RTN4R: variants seen among roughly 807,000 people sequenced by gnomAD.
The protein encoded by RTN4R is reticulon-4 receptor.
In RTN4R, 4 loss-of-function variants were observed where a neutral mutation model predicts 27.7. That is an observed-to-expected ratio of 0.14 (90% CI 0.07 to 0.33). The LOEUF is 0.33. RTN4R is among the 10% of genes least tolerant of loss of function. The pLI is 1.00. For synonymous variants in RTN4R, 290 were observed against 305.6 expected (o/e 0.95, Z 0.53); for missense variants, 554 against 671.5 (o/e 0.83, Z 1.93).
intron 1 of RTN4R, 137 bp downstream of exon 1, chr22:20,267,934 G>T (rs1328339398): frequency 7.9e-5 from 34 of 432,130 alleles, no homozygotes; most frequent in Non-Finnish European, 1.1e-4. Flanking sequence ...CGGCACTGCG[G>T]TGGCTTTCCC....
At chr22:20,246,784 G>A (rs2145974717) in intron 1 of RTN4R, among the ~76,000 whole-genome samples, 1 of 152,368 alleles carries the variant, frequency 6.6e-6, no homozygotes, top group East Asian at 1.9e-4. Flanking sequence ...GAGGCGCCGA[G>A]CACCGGCTTT....
intron 1 of RTN4R, among the ~76,000 whole-genome samples, chr22:20,261,909 C>T (rs1324464097): frequency 1.3e-5 from 2 of 152,220 alleles, no homozygotes; most frequent in Admixed American, 6.5e-5. Flanking sequence ...GCCCTGAGAA[C>T]GAAGGGGCCA....
At position 20,242,768 on chromosome 22, in the gene RTN4R, T is replaced by C; in HGVS notation, c.365A>G (p.Asp122Gly). The part of the protein sequence containing the change: ...LSDNAQLRSV[D>G]PATFHGLGRL... Reference sequence around the variant, plus strand: ...GCCCAGGCCGTGGAATGTGGCAGGGTCCACAGACCGGAGCTGTGCATTATC... The same window carrying C: ...GCCCAGGCCGTGGAATGTGGCAGGGCCCACAGACCGGAGCTGTGCATTATC... The change falls in exon 2 of 2, where the codon GAC becomes GGC. Residue 122 changes from aspartate to glycine, a missense_variant. By Grantham distance (94) the Asp-to-Gly change is moderately conservative (BLOSUM62 -1). Transcript: ENST00000043402. 1 of 1,612,120 alleles carries C rather than the reference T, an allele frequency of 6.2e-7. No homozygotes were observed.
chr22:20,245,345 C>G (rs1428238433), intron 1 of RTN4R, among the ~76,000 whole-genome samples: 2 of 152,224 alleles, frequency 1.3e-5, no homozygotes, highest in African/African-American at 4.8e-5. Context: ...GCCTGGCCCC[C>G]CTTGGGGCCT....
intron 1 of RTN4R, among the ~76,000 whole-genome samples, chr22:20,244,662 C>T (rs1602638374): frequency 6.6e-6 from 1 of 152,174 alleles, no homozygotes; most frequent in African/African-American, 2.4e-5. Context: ...TCTACACACT[C>T]TTCCTAGGAA....
rs1569044607 is a variant in RTN4R at position 20,268,292 on chromosome 22, A to C, written c.-200T>G. The C allele has an allele frequency of 0.022, 38 of 1,756 alleles. No individual in the cohort carries two copies. Among genetic ancestry groups the C allele is most frequent in the Non-Finnish European group, 0.034 (28 of 826 alleles). 0.1% of individuals were successfully genotyped at this position (1,756 alleles called of 1,614,324 possible). A position where few individuals can be genotyped will look rare whatever the true frequency, so the allele number is the denominator to read the frequency against. Reference sequence around the variant, plus strand: ...GGTGCGCAGGGCGCGCAGGGCGCACAGGGCGAGGGCGGCGGCGGCGCGGGG... The same window carrying C: ...GGTGCGCAGGGCGCGCAGGGCGCACCGGGCGAGGGCGGCGGCGGCGCGGGG... On this transcript the variant is annotated 5_prime_UTR_variant, in exon 1 of 2. Transcript: ENST00000043402.
At position 20,241,527 on chromosome 22, in the gene RTN4R, C is replaced by T. The variant is rs1018917114; in HGVS notation, c.*184G>A. On this transcript the variant is annotated 3_prime_UTR_variant, in exon 2 of 2. Coordinates refer to ENST00000043402, the MANE Select transcript of RTN4R (RefSeq NM_023004.6). ...GGGAGGCGGCGTTCTGGAACAAACG[C>T]TGCCGCCGAACCCTGTAAACATGAT... 9 of 635,474 alleles carry T rather than the reference C, an allele frequency of 1.4e-5. No individual in the cohort carries two copies. In the African/African-American group the frequency reaches 1.7e-4, roughly 12 times the overall value. 39.4% of individuals were successfully genotyped at this position (635,474 alleles called of 1,614,324 possible).
At position 20,242,976 on chromosome 22, in the gene RTN4R, C is replaced by G. The variant is rs145292678; in HGVS notation, c.157G>C (p.Val53Leu). The G allele has an allele frequency of 6.2e-7, 1 of 1,611,558 alleles. No individual in the cohort carries two copies. Among genetic ancestry groups the G allele is most frequent in the Non-Finnish European group, 8.5e-7 (1 of 1,179,748 alleles). The change falls in exon 2 of 2, where the codon GTG becomes CTG. Residue 53 changes from valine (V) to leucine (L), a missense_variant. Val to Leu is a conservative substitution (Grantham distance 32, BLOSUM62 1). Around this residue, in one of 2 missense-constraint regions of RTN4R, gnomAD observed 413 missense variants for 542.3 expected, o/e 0.76. Coordinates refer to ENST00000043402, the MANE Select transcript of RTN4R (RefSeq NM_023004.6). Reference protein sequence around the residue: ...CPQQGLQAVPVGIPAASQRIF... With the variant: ...CPQQGLQAVPLGIPAASQRIF... The stretch of plus-strand genomic sequence containing the variant: ...CGCTGGCTGGCAGCAGGGATGCCCA[C>G]GGGCACAGCCTGCAGGCCCTGCTGG...
chr22:20,256,324 C>T (rs1315660044), intron 1 of RTN4R, among the ~76,000 whole-genome samples: 4 of 152,224 alleles, frequency 2.6e-5, no homozygotes, highest in African/African-American at 9.7e-5. Context: ...ATGCACAGGC[C>T]ATACTGCATT....
chr22:20,260,397 A>T (rs1228026385), intron 1 of RTN4R, among the ~76,000 whole-genome samples: 3 of 151,964 alleles, frequency 2.0e-5, no homozygotes, highest in African/African-American at 2.4e-5. Context: ...TCAAGTGGAG[A>T]GTGTGTGGGA....
intron 1 of RTN4R, among the ~76,000 whole-genome samples, chr22:20,253,913 G>A (rs7287730): frequency 0.2 from 30,374 of 151,964 alleles, 3,350 homozygotes; most frequent in African/African-American, 0.27. Context: ...AAACAAAGGA[G>A]AAAGACAAAT....
chr22:20,263,279 C>T (rs1181091191), intron 1 of RTN4R, among the ~76,000 whole-genome samples: 1 of 152,166 alleles, frequency 6.6e-6, no homozygotes, highest in African/African-American at 2.4e-5. Context: ...GGCACTTCAA[C>T]CACTGTTTCC....
chr22:20,250,060 T>C (rs1672070224), intron 1 of RTN4R, among the ~76,000 whole-genome samples: 1 of 152,086 alleles, frequency 6.6e-6, no homozygotes, highest in Middle Eastern at 3.4e-3. Context: ...GCAGGGCCAG[T>C]GGGATCCAGC....
In RTN4R at chr22:20,268,080, A is replaced by T; in HGVS notation, c.13T>A (p.Ser5Thr). The change falls in exon 1 of 2, where the codon TCC becomes ACC. Residue 5 changes from serine (S) to threonine (T), a missense_variant. By Grantham distance (58) the Ser-to-Thr change is moderately conservative. Transcript: ENST00000043402. The stretch of plus-strand genomic sequence containing the variant: ...CAGCGCGGACACTCACCTCCAGCGG[A>T]CGCCCTCTTCATCGTAGGGGTTGGG... MKRA[S>T]AGGSRLLAWV... 8.5e-7 allele frequency: 1 copy of T among 1,181,906 alleles called. No homozygotes were observed. Among genetic ancestry groups the T allele is most frequent in the South Asian group, 3.1e-5 (1 of 32,322 alleles). 73.2% of individuals were successfully genotyped at this position (1,181,906 alleles called of 1,614,324 possible). A position where few individuals can be genotyped will look rare whatever the true frequency, so the allele number is the denominator to read the frequency against.
chr22:20,263,192 C>A (rs1406073461), intron 1 of RTN4R, among the ~76,000 whole-genome samples: 1 of 152,202 alleles, frequency 6.6e-6, no homozygotes, highest in Non-Finnish European at 1.5e-5. Context: ...CCCGTGGGTG[C>A]GGGGTTTGTG....
intron 1 of RTN4R, 31 bp downstream of exon 1, chr22:20,268,040 G>T (rs1384693702): frequency 4.3e-6 from 5 of 1,156,896 alleles, no homozygotes; most frequent in African/African-American, 3.3e-5. Context: ...CCCCGCCGCC[G>T]GCCGGGCTCG....
At chr22:20,268,005 AG>A in intron 1 of RTN4R, 65 bp downstream of exon 1, 1 of 953,440 alleles carries the variant, frequency 1.0e-6, no homozygotes, top group Non-Finnish European at 1.3e-6. Flanking sequence ...GGCTCCGGGG[AG>A]GGGGCGAGCC....
chr22:20,262,462 A>T (rs1390667493), intron 1 of RTN4R, among the ~76,000 whole-genome samples: 1 of 152,142 alleles, frequency 6.6e-6, no homozygotes, highest in African/African-American at 2.4e-5. Flanking sequence ...GGGACATGTA[A>T]CTGGGGACTG....
At chr22:20,259,435 G>C (rs564525131) in intron 1 of RTN4R, among the ~76,000 whole-genome samples, 12 of 152,198 alleles carry the variant, frequency 7.9e-5, no homozygotes, top group Admixed American at 2.0e-4. Flanking sequence ...ACAGCCTGGA[G>C]GCAGCCGGGT....
Sources: allele counts gnomAD v4.1 joint callset (sites outside exome capture counted in the v4.1 genomes callset), GRCh38; gene constraint gnomAD v4.1.1; regional missense constraint gnomAD v4.1.1; transcripts MANE v1.5; gene names NCBI Gene and HGNC (gene_info 2026-07-23, HGNC 2026-07-21).